COL15A1: variants seen among roughly 807,000 people sequenced by gnomAD.
COL15A1 encodes the protein collagen type XV alpha 1 chain, also known as collagen alpha-1(XV) chain.
In COL15A1, 111 loss-of-function variants were observed where a neutral mutation model predicts 165.9. That is an observed-to-expected ratio of 0.67 (90% CI 0.57 to 0.78). The LOEUF (loss-of-function observed/expected upper bound fraction) is 0.78, where lower values mean the gene tolerates loss of function less well. Among genes scored for constraint, COL15A1 ranks in the 30% least tolerant of loss-of-function variants. The probability of loss-of-function intolerance (pLI) is 0.00; values close to 1 mark genes in which losing one functional copy is unlikely to be tolerated. For missense variants in COL15A1, 1,745 were observed against 1,789.7 expected (o/e 0.98, Z 0.45); for synonymous variants, 659 against 674.8 (o/e 0.98, Z 0.36).
At chr9:99,050,264 G>A (rs553192896) in intron 30 of COL15A1, among the ~76,000 whole-genome samples, 66 of 152,336 alleles carry the variant, frequency 4.3e-4, no homozygotes, top group Admixed American at 1.3e-3. Context: ...TTTGCATTGA[G>A]AACTTTGTAA....
chr9:99,040,215 G>A (rs1355110710), intron 22 of COL15A1, among the ~76,000 whole-genome samples: 1 of 152,180 alleles, frequency 6.6e-6, no homozygotes, highest in Non-Finnish European at 1.5e-5. Flanking sequence ...GGATACTGAA[G>A]CAAAACACAG....
At chr9:99,042,463 A>G (rs980324015) in intron 24 of COL15A1, among the ~76,000 whole-genome samples, 2 of 152,092 alleles carry the variant, frequency 1.3e-5, no homozygotes, top group African/African-American at 4.8e-5. Flanking sequence ...AGAGAACTCA[A>G]CTCAACACTC....
intron 19 of COL15A1, 54 bp downstream of exon 19, chr9:99,035,472 G>A: frequency 6.2e-7 from 1 of 1,610,484 alleles, no homozygotes. Context: ...TCACACTACA[G>A]TGAGGAAGCT....
chr9:98,963,966 T>C (rs143428667), intron 2 of COL15A1, among the ~76,000 whole-genome samples: 1 of 152,330 alleles, frequency 6.6e-6, no homozygotes, highest in East Asian at 1.9e-4. Context: ...AGAATATGCT[T>C]AGCACCTGAC....
chr9:99,056,514 G>T, intron 35 of COL15A1, 110 bp downstream of exon 35: 3 of 1,426,644 alleles, frequency 2.1e-6, no homozygotes, highest in East Asian at 2.4e-5. Flanking sequence ...GGGCTTTCCT[G>T]GATACCGCCT....
At chr9:98,976,248 A>G (rs1838140835) in intron 2 of COL15A1, among the ~76,000 whole-genome samples, 2 of 152,258 alleles carry the variant, frequency 1.3e-5, no homozygotes, top group Admixed American at 1.3e-4. Context: ...ATCTCTAAGC[A>G]TTAATGAAGT....
intron 14 of COL15A1, among the ~76,000 whole-genome samples, chr9:99,024,268 G>GTTTTTTTGTTTTTTTTTTTT (rs1839078502): frequency 7.6e-6 from 1 of 131,460 alleles, no homozygotes; most frequent in East Asian, 2.3e-4. Context: ...ACCACAAGCA[G>GTTTTTTTGTTTTTTTTTTTT]TTTTTTTTGT....
chr9:98,967,295 G>C lies in COL15A1; in HGVS notation c.101-18270G>C, dbSNP rs145188250. ...ACCGCAGTCCCCTCCTGGAAGGTGT[G>C]TGCCGACCCTTCTCTGTACTGACTT... On this transcript the variant is annotated intron_variant, in intron 2 of 41. Coordinates refer to ENST00000375001, the MANE Select transcript of COL15A1 (RefSeq NM_001855.5). Among the ~76,000 whole-genome samples the C allele has an allele frequency of 3.9e-5, 6 of 152,326 alleles. No individual in the cohort carries two copies. In the East Asian group the frequency reaches 1.2e-3, roughly 29 times the overall value.
intron 7 of COL15A1, among the ~76,000 whole-genome samples, chr9:99,001,839 C>G (rs1481386902): frequency 6.6e-6 from 1 of 152,120 alleles, no homozygotes; most frequent in Non-Finnish European, 1.5e-5. Flanking sequence ...TGTTGGAACT[C>G]TCTCTTATGG....
intron 35 of COL15A1, among the ~76,000 whole-genome samples, chr9:99,057,337 C>G (rs754739662): frequency 6.6e-6 from 1 of 152,182 alleles, no homozygotes; most frequent in Non-Finnish European, 1.5e-5. Context: ...TGAGTGGAAA[C>G]TTCCTGGCTG....
chr9:99,042,594 G>A (rs1190183287), intron 24 of COL15A1, among the ~76,000 whole-genome samples: 1 of 152,170 alleles, frequency 6.6e-6, no homozygotes. Context: ...TACTAATATG[G>A]GGCCTGGTAT....
intron 28 of COL15A1, among the ~76,000 whole-genome samples, chr9:99,049,167 A>G (rs1030531229): frequency 3.9e-5 from 6 of 152,200 alleles, no homozygotes; most frequent in Non-Finnish European, 7.4e-5. Context: ...TAGAGGAGAA[A>G]CTGTTGCATG....
chr9:98,984,646 C>T (rs554400986), intron 2 of COL15A1, among the ~76,000 whole-genome samples: 2 of 152,282 alleles, frequency 1.3e-5, no homozygotes, highest in East Asian at 1.9e-4. Flanking sequence ...ATGATGATGG[C>T]GGTGATGTCA....
chr9:99,068,741 C>A (rs769979498), intron 41 of COL15A1, 71 bp downstream of exon 41: 3 of 867,476 alleles, frequency 3.5e-6, no homozygotes, highest in Non-Finnish European at 5.4e-6. Flanking sequence ...CAATGGGATG[C>A]CTTTATCAGC....
Position 99,044,520 on chromosome 9 carries a change from G to A in COL15A1, c.2575-48G>A, listed in dbSNP as rs1358219194. Reference sequence around the variant, plus strand: ...CTCTGTACAAAACTCTCTGGACAAGGTGGCAAGGAGGAGTCCTGACTTCAT... The same window carrying A: ...CTCTGTACAAAACTCTCTGGACAAGATGGCAAGGAGGAGTCCTGACTTCAT... On this transcript the variant is annotated intron_variant, in intron 24 of 41. Transcript: ENST00000375001. The A allele has an allele frequency of 2.5e-6, 4 of 1,572,074 alleles. 1 individual carries two copies. Among genetic ancestry groups the A allele is most frequent in the East Asian group, 2.2e-5 (1 of 44,642 alleles).
chr9:99,064,971 AC>A (rs1434014419), intron 39 of COL15A1, among the ~76,000 whole-genome samples: 2 of 152,234 alleles, frequency 1.3e-5, no homozygotes, highest in African/African-American at 4.8e-5. Context: ...AAATAGTAAC[AC>A]ACCTACAATT....
chr9:99,070,230 G>A lies in COL15A1; in HGVS notation c.*344G>A, dbSNP rs1825964017. On this transcript the variant is annotated 3_prime_UTR_variant, in exon 42 of 42. Transcript: ENST00000375001. ...AGTTATATCCTCCTTTTAAACCATT[G>A]TTGTTGAGTGTAAGATGTCCTTCAT... The A allele has an allele frequency of 2.0e-5, 5 of 244,546 alleles. No individual in the cohort carries two copies. The highest frequency in any genetic ancestry group is 1.4e-3 in the Middle Eastern group (1 of 714). The allele number at this position is 244,546 out of a possible 1,614,324, so 15.1% of individuals were successfully genotyped here.
In COL15A1 at chr9:98,987,353, C is replaced by T. The variant is rs779518058; in HGVS notation, c.708C>T (p.Asp236=). ...PDPRTPEELC[D]PEESSASGET... is the part of the protein sequence containing the mutation. Reference sequence around the variant, plus strand: ...CCAGGACTCCCGAGGAGCTGTGTGACCCTGAAGAGTCCTCGGTGAGCTCCC... The same window carrying T: ...CCAGGACTCCCGAGGAGCTGTGTGATCCTGAAGAGTCCTCGGTGAGCTCCC... Residue 236 remains aspartate (D), a synonymous_variant, in exon 4 of 42, where the codon GAC becomes GAT. Transcript: ENST00000375001. 3 of 1,612,576 alleles carry T rather than the reference C, an allele frequency of 1.9e-6. No individual in the cohort carries two copies. Among genetic ancestry groups the T allele is most frequent in the South Asian group, 1.1e-5 (1 of 90,850 alleles).
In COL15A1 at chr9:99,052,985, C is replaced by T. The variant is rs573935595; in HGVS notation, c.2950+552C>T. On this transcript the variant is annotated intron_variant, in intron 31 of 41. Transcript: ENST00000375001. ...ACCCTAGACCTGCTGAATCAGAACCCGTGTTTTAACCATCTCCCGGGTGAG... is the reference window on the plus strand; with the variant it reads ...ACCCTAGACCTGCTGAATCAGAACCTGTGTTTTAACCATCTCCCGGGTGAG... 6.6e-5 allele frequency among the ~76,000 whole-genome samples: 10 copies of T among 152,294 alleles called. No homozygotes were observed. The East Asian group carries it at 9.7e-4, about 15-fold the overall frequency.
Sources: allele counts gnomAD v4.1 joint callset (sites outside exome capture counted in the v4.1 genomes callset), GRCh38; gene constraint gnomAD v4.1.1; transcripts MANE v1.5; gene names NCBI Gene and HGNC (gene_info 2026-07-23, HGNC 2026-07-21).